Variants in SGPP2 observed in about 807,000 individuals in gnomAD.
SGPP2 encodes the protein sphingosine 1-phosphate phosphohydrolase 2.
Under a neutral mutation model 33.9 loss-of-function variants are expected in SGPP2, and 30 were observed. The ratio of observed to expected loss-of-function variants is 0.89; its 90% CI spans 0.66 to 1.20. SGPP2 has a LOEUF of 1.20. Ranked by LOEUF, SGPP2 falls within the 50% of genes most tolerant of loss-of-function variation. SGPP2 has a pLI of 0.00. For synonymous variants in SGPP2, 233 were observed against 225.0 expected (o/e 1.04, Z -0.32); for missense variants, 458 against 532.1 (o/e 0.86, Z 1.37).
At chr2:222,497,394 A>G (rs1043491064) in intron 2 of SGPP2, among the ~76,000 whole-genome samples, 4 of 151,372 alleles carry the variant, frequency 2.6e-5, no homozygotes, top group East Asian at 3.9e-4. Context: ...TCCTGGGACT[A>G]TGTCACCACA....
intron 1 of SGPP2, among the ~76,000 whole-genome samples, chr2:222,437,184 C>G (rs1011558520): frequency 6.6e-6 from 1 of 152,222 alleles, no homozygotes; most frequent in African/African-American, 2.4e-5. Context: ...TACCTCTTCC[C>G]CAAATGTCTT....
chr2:222,551,867 G>A (rs1270855479), intron 4 of SGPP2, among the ~76,000 whole-genome samples: 1 of 152,184 alleles, frequency 6.6e-6, no homozygotes, highest in African/African-American at 2.4e-5. Flanking sequence ...TGGGTACTAA[G>A]TATTATAGAT....
intron 2 of SGPP2, among the ~76,000 whole-genome samples, chr2:222,499,289 A>G (rs1698330300): frequency 1.3e-5 from 2 of 152,236 alleles, no homozygotes; most frequent in South Asian, 4.1e-4. Context: ...AGAGGTGTTG[A>G]TGGTGTGATC....
At chr2:222,502,633 A>G (rs1485271135) in intron 2 of SGPP2, among the ~76,000 whole-genome samples, 1 of 152,186 alleles carries the variant, frequency 6.6e-6, no homozygotes, top group Non-Finnish European at 1.5e-5. Flanking sequence ...TGCGCTGTAG[A>G]TAGGCTGCTG....
At chr2:222,484,060 G>T (rs1282030726) in intron 2 of SGPP2, among the ~76,000 whole-genome samples, 1 of 152,112 alleles carries the variant, frequency 6.6e-6, no homozygotes, top group Admixed American at 6.6e-5. Flanking sequence ...TATAAAAACT[G>T]CATTGGTTTG....
At chr2:222,452,924 T>G (rs532535871) in intron 1 of SGPP2, 1 of 1,582,142 alleles carries the variant, frequency 6.3e-7, no homozygotes, top group Non-Finnish European at 8.7e-7. Context: ...TATTGGAAAG[T>G]TCTTGCATCT....
At chr2:222,533,218 T>C (rs1698864629) in intron 4 of SGPP2, among the ~76,000 whole-genome samples, 2 of 152,028 alleles carry the variant, frequency 1.3e-5, no homozygotes, top group African/African-American at 4.8e-5. Context: ...AAAACAAGCC[T>C]CAGGAGGGAC....
chr2:222,500,996 C>T (rs968650493), intron 2 of SGPP2, among the ~76,000 whole-genome samples: 1 of 152,196 alleles, frequency 6.6e-6, no homozygotes, highest in East Asian at 1.9e-4. Flanking sequence ...GCTGTTCTTA[C>T]CACCATTTGG....
chr2:222,535,169 GAGT>G (rs1698894770), intron 4 of SGPP2, among the ~76,000 whole-genome samples: 1 of 151,606 alleles, frequency 6.6e-6, no homozygotes, highest in African/African-American at 2.4e-5. Context: ...CTGAGGTCAG[GAGT>G]TCAAGACTCA....
intron 2 of SGPP2, among the ~76,000 whole-genome samples, chr2:222,475,202 T>G (rs1391146772): frequency 2.0e-5 from 3 of 152,174 alleles, no homozygotes; most frequent in Non-Finnish European, 2.9e-5. Flanking sequence ...CCCAAGTAGC[T>G]GGGACTACAG....
chr2:222,525,664 G>A (rs896209477), intron 4 of SGPP2, among the ~76,000 whole-genome samples: 17 of 152,226 alleles, frequency 1.1e-4, no homozygotes, highest in African/African-American at 4.1e-4. Flanking sequence ...CTGCCTTGAA[G>A]TTCCAGAGCA....
At chr2:222,433,085 AGAG>A (rs10580839) in intron 1 of SGPP2, among the ~76,000 whole-genome samples, 111,227 of 145,358 alleles carry the variant, frequency 0.77, 42,549 homozygotes, top group Middle Eastern at 0.87. Context: ...AGGGGAGACG[AGAG>A]GAGGGAAGGG....
intron 2 of SGPP2, among the ~76,000 whole-genome samples, chr2:222,494,664 G>T (rs1010040464): frequency 1.3e-5 from 2 of 152,224 alleles, no homozygotes; most frequent in East Asian, 1.9e-4. Flanking sequence ...AAATCTTGGC[G>T]TGAGGCTTTC....
At chr2:222,523,227 C>G (rs925910046) in intron 3 of SGPP2, among the ~76,000 whole-genome samples, 1 of 152,216 alleles carries the variant, frequency 6.6e-6, no homozygotes, top group African/African-American at 2.4e-5. Flanking sequence ...GGGACAGTTA[C>G]AAGGAATATA....
At chr2:222,428,676 A>G (rs759279081) in intron 1 of SGPP2, among the ~76,000 whole-genome samples, 2 of 152,252 alleles carry the variant, frequency 1.3e-5, no homozygotes, top group Non-Finnish European at 2.9e-5. Flanking sequence ...ACATCCTGGA[A>G]ACCAGGAGAC....
At chr2:222,531,257 T>TA (rs1698834652) in intron 4 of SGPP2, among the ~76,000 whole-genome samples, 1 of 152,082 alleles carries the variant, frequency 6.6e-6, no homozygotes, top group Non-Finnish European at 1.5e-5. Context: ...CTTCAATTTG[T>TA]AAAAAACACA....
intron 2 of SGPP2, among the ~76,000 whole-genome samples, chr2:222,508,983 G>T (rs1698485574): frequency 6.6e-6 from 1 of 152,086 alleles, no homozygotes; most frequent in South Asian, 2.1e-4. Flanking sequence ...AAGTATGAGT[G>T]GCTATTCACC....
At chr2:222,505,441 A>C (rs573773407) in intron 2 of SGPP2, among the ~76,000 whole-genome samples, 4 of 152,334 alleles carry the variant, frequency 2.6e-5, no homozygotes, top group Non-Finnish European at 5.9e-5. Flanking sequence ...CTTATACATG[A>C]ATTTTTAAAA....
intron 1 of SGPP2, among the ~76,000 whole-genome samples, chr2:222,425,787 C>T (rs1697060267): frequency 6.6e-6 from 1 of 152,154 alleles, no homozygotes; most frequent in African/African-American, 2.4e-5. Flanking sequence ...GAAAGGTGGC[C>T]TTTACTTACG....
Sources: allele counts gnomAD v4.1 joint callset (sites outside exome capture counted in the v4.1 genomes callset), GRCh38; gene constraint gnomAD v4.1.1; transcripts MANE v1.5; gene names NCBI Gene and HGNC (gene_info 2026-07-23, HGNC 2026-07-21).